Variants in INSR observed in about 807,000 individuals in gnomAD.
INSR encodes insulin receptor.
Under a neutral mutation model 142.6 loss-of-function variants are expected in INSR, and 67 were observed. The observed-to-expected ratio is 0.47, with a 90% confidence interval of 0.39 to 0.58. The LOEUF (loss-of-function observed/expected upper bound fraction) is 0.58, where lower values mean the gene tolerates loss of function less well. INSR is among the 20% of genes least tolerant of loss of function. The probability of loss-of-function intolerance (pLI) is 0.00; values close to 1 mark genes in which losing one functional copy is unlikely to be tolerated. For missense variants in INSR, 1,248 were observed against 1,833.2 expected, an observed-to-expected ratio of 0.68 and a Z score of 5.83; for synonymous variants, 756 against 743.1, an observed-to-expected ratio of 1.02 and a Z score of -0.28.
In INSR at chr19:7,168,743, C is replaced by A. The variant is rs888695492; in HGVS notation, c.1484-649G>T. Among the ~76,000 whole-genome samples, 6 of 151,704 alleles carry A rather than the reference C, an allele frequency of 4.0e-5. No individual in the cohort carries two copies. The highest frequency in any genetic ancestry group is 9.7e-5 in the African/African-American group (4 of 41,128). Reference sequence around the variant, plus strand: ...TCTCAAGTAGCTGGGATTACAGGCACCCACCACCACGTCCAGCTAGTTTTT... The same window carrying A: ...TCTCAAGTAGCTGGGATTACAGGCAACCACCACCACGTCCAGCTAGTTTTT... On this transcript the variant is annotated intron_variant, in intron 6 of 21. Transcript: ENST00000302850. This position sits in a 1 kb window ranked among gnomAD's most constrained non-coding sequence, Gnocchi z 4.3.
rs1388367536 is a variant in INSR at position 7,162,275 on chromosome 19, C to T, written c.2029+757G>A. ...CTGGGAGGCAGAAGTTGCAATGAGC[C>T]GAGATCATGCCACTGCACTCCAGCC... is the stretch of plus-strand genomic sequence containing the variant. On this transcript the variant is annotated intron_variant, in intron 9 of 21. Coordinates refer to ENST00000302850, the MANE Select transcript of INSR (RefSeq NM_000208.4). Among the ~76,000 whole-genome samples the T allele has an allele frequency of 1.2e-4, 17 of 144,998 alleles. 1 individual carries two copies. The South Asian group carries it at 3.7e-3, about 32-fold the overall frequency.
chr19:7,270,929 G>A (rs1207701644), intron 1 of INSR, among the ~76,000 whole-genome samples: 1 of 151,918 alleles, frequency 6.6e-6, no homozygotes, highest in Non-Finnish European at 1.5e-5. Context: ...AGGCGTGGTG[G>A]CGGGCACCCG....
intron 1 of INSR, among the ~76,000 whole-genome samples, chr19:7,283,097 G>A (rs995311314): frequency 6.6e-6 from 1 of 152,130 alleles, no homozygotes; most frequent in East Asian, 1.9e-4. Flanking sequence ...GGAGGCTGAG[G>A]TGGGAGGACC....
At chr19:7,210,991 G>A (rs972443120) in intron 2 of INSR, among the ~76,000 whole-genome samples, 3 of 152,128 alleles carry the variant, frequency 2.0e-5, no homozygotes, top group African/African-American at 7.2e-5. Flanking sequence ...AAAGTACTGG[G>A]ATTACAGGTG....
chr19:7,119,654 ACACACACGCAAACG>A lies in INSR; in HGVS notation c.3660-85_3660-72del, dbSNP rs1972430320. ...CACACACACACGCGCGCGCGCAAAC[ACACACACGCAAACG>A]CACACACACACGCAAACACACATGC... On this transcript the variant is annotated intron_variant, in intron 20 of 21. Coordinates refer to ENST00000302850, the MANE Select transcript of INSR (RefSeq NM_000208.4). This position sits in a 1 kb window ranked among gnomAD's most constrained non-coding sequence, Gnocchi z 5.2. The A allele has an allele frequency of 1.3e-6, 2 of 1,550,678 alleles. No homozygotes were observed. The highest frequency in any genetic ancestry group is 2.2e-5 in the South Asian group (2 of 89,592).
intron 2 of INSR, among the ~76,000 whole-genome samples, chr19:7,252,068 G>A (rs1043750057): frequency 3.3e-5 from 5 of 152,144 alleles, no homozygotes; most frequent in Non-Finnish European, 7.4e-5. Context: ...GAGGTCCGGA[G>A]TTCAAGACCA....
chr19:7,139,916 C>T (rs1239112647), intron 13 of INSR, among the ~76,000 whole-genome samples: 1 of 150,938 alleles, frequency 6.6e-6, no homozygotes, highest in East Asian at 2.0e-4. Flanking sequence ...CTTTGCGTCC[C>T]GGGTTCAAGC....
rs745945145 is a variant in INSR at position 7,167,991 on chromosome 19, C to A, written c.1587G>T (p.Gly529=). 2 of 1,614,122 alleles carry A rather than the reference C, an allele frequency of 1.2e-6. No individual in the cohort carries two copies. The highest frequency in any genetic ancestry group is 1.7e-6 in the Non-Finnish European group (2 of 1,180,012). ...ACGCCTCTTTGTAGAACAGCATGAA[C>A]CCCAAGAGGTCTCGGAAGTCGGGGG... The part of the protein sequence containing the change: ...YWPPDFRDLL[G]FMLFYKEAPY... The change falls in exon 7 of 22, where the codon GGG becomes GGT. Residue 529 remains glycine (G), a synonymous_variant. Coordinates refer to ENST00000302850, the MANE Select transcript of INSR (RefSeq NM_000208.4).
chr19:7,158,227 G>A (rs901629792), intron 9 of INSR, among the ~76,000 whole-genome samples: 9 of 152,034 alleles, frequency 5.9e-5, no homozygotes, highest in East Asian at 1.9e-4. Context: ...TGGGCCAGGC[G>A]CGGTGACTCA....
chr19:7,162,453 G>A (rs1973777810), intron 9 of INSR, among the ~76,000 whole-genome samples: 1 of 147,340 alleles, frequency 6.8e-6, no homozygotes, highest in African/African-American at 2.5e-5. Flanking sequence ...GGAGGTTGCA[G>A]TGAGCAGAGA....
chr19:7,251,002 C>A (rs1976710432), intron 2 of INSR, among the ~76,000 whole-genome samples: 14 of 151,980 alleles, frequency 9.2e-5, no homozygotes, highest in Admixed American at 9.2e-4. Context: ...AACCTGTGGA[C>A]CAGGCTTTCT....
Position 7,178,586 on chromosome 19 carries a change from G to A in INSR, c.975-3855C>T, listed in dbSNP as rs538083430. Among the ~76,000 whole-genome samples, 28 of 152,194 alleles carry A rather than the reference G, an allele frequency of 1.8e-4. No homozygotes were observed. In the East Asian group the frequency reaches 3.3e-3, roughly 18 times the overall value. ...ATACAAAAATTAGCCGTGCGTGATG[G>A]TGCATGCCTGTAGTCCCAGCTACTC... On this transcript the variant is annotated intron_variant, in intron 3 of 21. Coordinates refer to ENST00000302850, the MANE Select transcript of INSR (RefSeq NM_000208.4).
intron 2 of INSR, among the ~76,000 whole-genome samples, chr19:7,200,556 T>C (rs1974924423): frequency 6.6e-6 from 1 of 151,662 alleles, no homozygotes; most frequent in African/African-American, 2.4e-5. Context: ...AATTAAAAAT[T>C]AGCTGGGCAT....
chr19:7,155,911 TGAA>T (rs1279469322), intron 9 of INSR, among the ~76,000 whole-genome samples: 1 of 150,910 alleles, frequency 6.6e-6, no homozygotes, highest in East Asian at 1.9e-4. Flanking sequence ...GAAATCATGT[TGAA>T]GAAGAAGAAA....
chr19:7,134,071 T>C (rs1448514541), intron 13 of INSR, among the ~76,000 whole-genome samples: 3 of 151,788 alleles, frequency 2.0e-5, no homozygotes, highest in African/African-American at 2.4e-5. Context: ...TACAGCTACT[T>C]GGGAGGCTGA....
At chr19:7,246,860 G>C (rs57176884) in intron 2 of INSR, among the ~76,000 whole-genome samples, 6,338 of 132,488 alleles carry the variant, frequency 0.048, 719 homozygotes, top group African/African-American at 0.2. Context: ...GTTCCAAGTT[G>C]TATGTTTCAG....
intron 3 of INSR, among the ~76,000 whole-genome samples, chr19:7,181,341 G>A (rs746783508): frequency 3.3e-5 from 5 of 152,198 alleles, no homozygotes; most frequent in Admixed American, 3.3e-4. Context: ...TGGTGAAATA[G>A]ATGGAGGTGT....
At chr19:7,272,819 C>T (rs896726232) in intron 1 of INSR, among the ~76,000 whole-genome samples, 1 of 152,096 alleles carries the variant, frequency 6.6e-6, no homozygotes, top group Non-Finnish European at 1.5e-5. Flanking sequence ...TGAACTCAAG[C>T]AATCCTCCAG....
At chr19:7,291,085 A>G (rs1016594325) in intron 1 of INSR, among the ~76,000 whole-genome samples, 1 of 151,504 alleles carries the variant, frequency 6.6e-6, no homozygotes, top group Non-Finnish European at 1.5e-5. Context: ...AAAAAAAGCC[A>G]TATTGGTTGA....
Sources: allele counts gnomAD v4.1 joint callset (sites outside exome capture counted in the v4.1 genomes callset), GRCh38; gene constraint gnomAD v4.1.1; non-coding constraint Gnocchi (gnomAD v3.1); transcripts MANE v1.5; gene names NCBI Gene and HGNC (gene_info 2026-07-23, HGNC 2026-07-21).